The following AKAP6 variants were observed in gnomAD, a reference collection of about 807,000 sequenced individuals.
AKAP6 encodes the protein A-kinase anchoring protein 6.
AKAP6 carries 58 observed loss-of-function variants against 188.5 expected under a neutral mutation model. The ratio of observed to expected loss-of-function variants is 0.31; its 90% CI spans 0.25 to 0.38. The LOEUF (loss-of-function observed/expected upper bound fraction) is 0.38, where lower values mean the gene tolerates loss of function less well. AKAP6 is among the 10% of genes least tolerant of loss of function. The pLI, the probability that AKAP6 is intolerant of heterozygous loss-of-function variation, is 1.00. For synonymous variants in AKAP6, 989 were observed against 998.6 expected (o/e 0.99, Z 0.18); for missense variants, 2,710 against 2,740.0 (o/e 0.99, Z 0.24).
At chr14:32,681,522 T>A (rs913419002) in intron 8 of AKAP6, among the ~76,000 whole-genome samples, 1 of 152,172 alleles carries the variant, frequency 6.6e-6, no homozygotes, top group Non-Finnish European at 1.5e-5. Context: ...GTTGTGCATA[T>A]TCCATACTGT....
intron 2 of AKAP6, among the ~76,000 whole-genome samples, chr14:32,462,996 G>T (rs1326844999): frequency 1.9e-5 from 1 of 53,698 alleles, no homozygotes. Context: ...AAAAAAAAAA[G>T]ACAAAGAAAG....
rs757094644 is a variant in AKAP6 at position 32,773,886 on chromosome 14, A to G, written c.3581A>G (p.Lys1194Arg). 1.5e-5 allele frequency: 25 copies of G among 1,613,796 alleles called. No homozygotes were observed. The highest frequency in any genetic ancestry group is 1.9e-5 in the Non-Finnish European group (23 of 1,179,832). ...WQTRLQKKMG[K>R]ESETLNVIDP... is the part of the protein sequence containing the mutation. ...ACACGTCTACAAAAGAAGATGGGAA[A>G]GGAATCTGTGAGTGATGCTTTTTTT... The change falls in exon 12 of 14, where the codon AAG (lysine) becomes AGG (arginine). Residue 1194 changes from lysine to arginine, a missense_variant. By Grantham distance (26) the Lys-to-Arg change is conservative. Transcript: ENST00000280979.
At chr14:32,501,576 G>C (rs1880611410) in intron 2 of AKAP6, among the ~76,000 whole-genome samples, 1 of 151,946 alleles carries the variant, frequency 6.6e-6, no homozygotes, top group South Asian at 2.1e-4. Context: ...TGTGTGCCCA[G>C]GAGGAAAAAA....
At chr14:32,449,277 G>A (rs553473770) in intron 2 of AKAP6, among the ~76,000 whole-genome samples, 2 of 152,144 alleles carry the variant, frequency 1.3e-5, no homozygotes, top group Non-Finnish European at 2.9e-5. Context: ...GGAGGCCGAG[G>A]TGAGTGTATT....
At chr14:32,379,527 C>A (rs1441403535) in intron 1 of AKAP6, among the ~76,000 whole-genome samples, 3 of 152,072 alleles carry the variant, frequency 2.0e-5, no homozygotes, top group Admixed American at 6.5e-5. Context: ...TCATTCTGCT[C>A]CTCACTTCCT....
rs150211176 is a variant in AKAP6, at chr14:32,363,966, G to A, written c.-35+34558G>A. On this transcript the variant is annotated intron_variant, in intron 1 of 13. Coordinates refer to ENST00000280979, the MANE Select transcript of AKAP6 (RefSeq NM_004274.5). Reference sequence around the variant, plus strand: ...TTGCCTAGGCAAGAAAGTAATGGAAGGAGATGCATTGTAAAGGAATTAGCT... The same window carrying A: ...TTGCCTAGGCAAGAAAGTAATGGAAAGAGATGCATTGTAAAGGAATTAGCT... 3.8e-3 allele frequency among the ~76,000 whole-genome samples: 582 copies of A among 152,320 alleles called. 1 individual carries two copies. The highest frequency in any genetic ancestry group is 0.013 in the African/African-American group (550 of 41,578).
intron 7 of AKAP6, among the ~76,000 whole-genome samples, chr14:32,671,338 T>C (rs543901095): frequency 3.3e-5 from 5 of 152,148 alleles, no homozygotes; most frequent in South Asian, 4.2e-4. Flanking sequence ...CAAAATCTGA[T>C]TGGGGTGTGT....
In AKAP6 at chr14:32,633,665, G is replaced by A. The variant is rs571252149; in HGVS notation, c.2730+32873G>A. On this transcript the variant is annotated intron_variant, in intron 7 of 13. Transcript: ENST00000280979. ...GGAGCTGCATCCAGGAATGAAGAAT[G>A]AAGACAGATAGAGAAAACCCGCAAC... Among the ~76,000 whole-genome samples the A allele has an allele frequency of 3.3e-5, 5 of 152,234 alleles. No individual in the cohort carries two copies. In the South Asian group the frequency reaches 1.0e-3, roughly 32 times the overall value.
intron 12 of AKAP6, among the ~76,000 whole-genome samples, chr14:32,793,732 A>G (rs2033679156): frequency 6.6e-6 from 1 of 151,946 alleles, no homozygotes; most frequent in Non-Finnish European, 1.5e-5. Context: ...CAGTCTTTAA[A>G]CCATCAACGA....
chr14:32,823,717 C>A lies in AKAP6; in HGVS notation c.5904C>A (p.His1968Gln), dbSNP rs751015994. ...TTCCAAAGAAATGTCCAAATCACCA[C>A]CATTTTGAAAATCAAAGCACTGCCT... ...RHLPKKCPNH[H>Q]HFENQSTAST... The change falls in exon 13 of 14, where the codon CAC becomes CAA. Residue 1968 changes from histidine to glutamine, a missense_variant. This residue lies in a region of AKAP6 where 2,473 missense variants were observed against 2,426.1 expected (regional missense o/e 1.02). Coordinates refer to ENST00000280979, the MANE Select transcript of AKAP6 (RefSeq NM_004274.5). The A allele has an allele frequency of 6.2e-7, 1 of 1,613,732 alleles. No individual in the cohort carries two copies. Among genetic ancestry groups the A allele is most frequent in the Non-Finnish European group, 8.5e-7 (1 of 1,179,916 alleles).
intron 2 of AKAP6, among the ~76,000 whole-genome samples, chr14:32,499,683 A>C (rs890008918): frequency 7.9e-5 from 12 of 151,942 alleles, no homozygotes; most frequent in South Asian, 6.2e-4. Flanking sequence ...AGATATTTAC[A>C]TAATATTTAT....
intron 2 of AKAP6, among the ~76,000 whole-genome samples, chr14:32,440,645 A>T (rs1021377717): frequency 1.3e-5 from 2 of 152,224 alleles, no homozygotes; most frequent in Admixed American, 6.5e-5. Context: ...TATGCAAGGA[A>T]ATGTAATCTG....
chr14:32,534,536 T>C (rs2139111584), intron 2 of AKAP6, among the ~76,000 whole-genome samples: 1 of 152,314 alleles, frequency 6.6e-6, no homozygotes, highest in African/African-American at 2.4e-5. Flanking sequence ...ACTGAGTTAG[T>C]AATGTTTTTG....
At chr14:32,764,335 G>A (rs946299570) in intron 11 of AKAP6, among the ~76,000 whole-genome samples, 2 of 152,138 alleles carry the variant, frequency 1.3e-5, no homozygotes, top group African/African-American at 4.8e-5. Context: ...CTTAAATTCT[G>A]TATAGATTAC....
intron 3 of AKAP6, among the ~76,000 whole-genome samples, chr14:32,540,327 T>C (rs1175629056): frequency 2.0e-5 from 3 of 151,618 alleles, no homozygotes; most frequent in African/African-American, 7.3e-5. Context: ...GCCTCCCCAG[T>C]AGCTGGGATT....
chr14:32,819,624 A>C (rs1053983686), intron 12 of AKAP6, among the ~76,000 whole-genome samples: 8 of 152,106 alleles, frequency 5.3e-5, no homozygotes, highest in African/African-American at 1.9e-4. Flanking sequence ...TTGACTCAAG[A>C]CCACACTAGA....
At chr14:32,561,586 G>T (rs938183269) in intron 4 of AKAP6, among the ~76,000 whole-genome samples, 2 of 152,154 alleles carry the variant, frequency 1.3e-5, no homozygotes, top group African/African-American at 4.8e-5. Flanking sequence ...TCCCTTAGAA[G>T]ATCCTAATGG....
rs571546008 is a variant in AKAP6, at chr14:32,810,273, C to G, written c.3589-11129C>G. On this transcript the variant is annotated intron_variant, in intron 12 of 13. Coordinates refer to ENST00000280979, the MANE Select transcript of AKAP6 (RefSeq NM_004274.5). ...ATGCTCGTTTTTTTTTTTTAATTTACAAAATGAATTCACATTTTGAAATCC... is the reference window on the plus strand; with the variant it reads ...ATGCTCGTTTTTTTTTTTTAATTTAGAAAATGAATTCACATTTTGAAATCC... Among the ~76,000 whole-genome samples, 45 of 150,990 alleles carry G rather than the reference C, an allele frequency of 3.0e-4. No homozygotes were observed. In the East Asian group the frequency reaches 3.3e-3, roughly 11 times the overall value.
chr14:32,524,161 A>C (rs955674763), intron 2 of AKAP6, among the ~76,000 whole-genome samples: 1 of 152,098 alleles, frequency 6.6e-6, no homozygotes, highest in African/African-American at 2.4e-5. Flanking sequence ...CTGTTTCAAA[A>C]AAAAAAATGG....
Sources: allele counts gnomAD v4.1 joint callset (sites outside exome capture counted in the v4.1 genomes callset), GRCh38; gene constraint gnomAD v4.1.1; regional missense constraint gnomAD v4.1.1; transcripts MANE v1.5; gene names NCBI Gene and HGNC (gene_info 2026-07-23, HGNC 2026-07-21).